Variants in AGBL1 observed in about 807,000 individuals in gnomAD.
AGBL1 encodes the protein AGBL carboxypeptidase 1.
In AGBL1, 130 loss-of-function variants were observed where a neutral mutation model predicts 118.9. The ratio of observed to expected loss-of-function variants is 1.09; its 90% CI spans 0.95 to 1.26. The LOEUF is 1.26. AGBL1 is among the 50% of genes most tolerant of loss of function. The pLI is 0.00. For synonymous variants in AGBL1, 555 were observed against 478.9 expected (o/e 1.16, Z -2.08); for missense variants, 1,584 against 1,298.1 (o/e 1.22, Z -3.38).
At chr15:86,703,708 A>G (rs2086398719) in intron 22 of AGBL1, among the ~76,000 whole-genome samples, 1 of 152,050 alleles carries the variant, frequency 6.6e-6, no homozygotes, top group Non-Finnish European at 1.5e-5. Flanking sequence ...TGATGTTTTC[A>G]TAAAGGGGAG....
In AGBL1 at chr15:86,220,953, A is replaced by C. The variant is rs914439659; in HGVS notation, c.489-3961A>C. On this transcript the variant is annotated intron_variant, in intron 5 of 22. Transcript: ENST00000614907. ...CATGGCTCATGCCTGTAATCCTAGC[A>C]CTTTGGGAGGCTGAGACAGGCAGCT... is the stretch of plus-strand genomic sequence containing the variant. Among the ~76,000 whole-genome samples the C allele has an allele frequency of 3.9e-5, 6 of 152,270 alleles. No homozygotes were observed. The South Asian group carries it at 6.2e-4, about 16-fold the overall frequency.
chr15:86,132,778 G>T (rs946427699), intron 1 of AGBL1, among the ~76,000 whole-genome samples: 1 of 152,116 alleles, frequency 6.6e-6, no homozygotes, highest in Non-Finnish European at 1.5e-5. Flanking sequence ...AATTGTTTCT[G>T]CCCAGAGCAT....
At chr15:86,494,244 G>A (rs1053926565) in intron 18 of AGBL1, among the ~76,000 whole-genome samples, 4 of 152,058 alleles carry the variant, frequency 2.6e-5, no homozygotes, top group Non-Finnish European at 5.9e-5. Flanking sequence ...GTGGGGTCAT[G>A]TTTGTAACAG....
chr15:86,454,476 C>T (rs2082236166), intron 18 of AGBL1, among the ~76,000 whole-genome samples: 1 of 152,086 alleles, frequency 6.6e-6, no homozygotes, highest in South Asian at 2.1e-4. Context: ...CTCATAATCA[C>T]CCCAAACTGA....
chr15:86,104,812 G>T (rs1896940726), intron 1 of AGBL1, among the ~76,000 whole-genome samples: 4 of 152,178 alleles, frequency 2.6e-5, no homozygotes, highest in Admixed American at 2.0e-4. Context: ...GTGGGACCCA[G>T]TGCGAGCTCC....
intron 21 of AGBL1, among the ~76,000 whole-genome samples, chr15:86,582,743 C>T (rs1202466363): frequency 6.6e-6 from 1 of 151,942 alleles, no homozygotes; most frequent in East Asian, 1.9e-4. Flanking sequence ...CTATCATTCT[C>T]AGCAAACTAT....
chr15:86,971,051 C>T (rs117413706), intron 23 of AGBL1, among the ~76,000 whole-genome samples: 4,050 of 151,992 alleles, frequency 0.027, 92 homozygotes, highest in Non-Finnish European at 0.039. Context: ...TTTGTGCATT[C>T]GTGAATTTTG....
At chr15:86,820,124 C>A (rs1311132284) in intron 22 of AGBL1, among the ~76,000 whole-genome samples, 1 of 152,120 alleles carries the variant, frequency 6.6e-6, no homozygotes, top group African/African-American at 2.4e-5. Flanking sequence ...TTCCTTACAC[C>A]TTATACAAAA....
chr15:86,803,825 C>T (rs529766803), intron 22 of AGBL1, among the ~76,000 whole-genome samples: 1 of 152,176 alleles, frequency 6.6e-6, no homozygotes, highest in South Asian at 2.1e-4. Flanking sequence ...CAACTTGGGG[C>T]AGGGGTGGAG....
At position 86,196,879 on chromosome 15, in the gene AGBL1, G is replaced by GCGCGCGCGCACACACACACA. The variant is rs756313941; in HGVS notation, c.489-28034_489-28033insGCGCGCGCACACACACACAC. ...CGAATGTGCACATGTGCGCGCGCGC[G>GCGCGCGCGCACACACACACA]CACACACACACACACACACACACAC... is the stretch of plus-strand genomic sequence containing the variant. On this transcript the variant is annotated intron_variant, in intron 5 of 22. Transcript: ENST00000614907. 8.5e-5 allele frequency among the ~76,000 whole-genome samples: 10 copies of GCGCGCGCGCACACACACACA among 117,012 alleles called. 1 individual carries two copies. Among genetic ancestry groups the GCGCGCGCGCACACACACACA allele is most frequent in the African/African-American group, 3.6e-4 (10 of 27,660 alleles). 76.8% of individuals were successfully genotyped at this position (117,012 alleles called of 152,430 possible).
intron 21 of AGBL1, among the ~76,000 whole-genome samples, chr15:86,567,150 A>G (rs934535462): frequency 6.6e-6 from 1 of 152,202 alleles, no homozygotes; most frequent in African/African-American, 2.4e-5. Context: ...ACTCTTAACC[A>G]TAATCATTTT....
chr15:86,113,994 G>A (rs1215947430), intron 1 of AGBL1, among the ~76,000 whole-genome samples: 1 of 152,154 alleles, frequency 6.6e-6, no homozygotes, highest in East Asian at 1.9e-4. Flanking sequence ...ACAATTAAGA[G>A]CATTCTACAC....
chr15:86,249,018 A>T (rs531690876), intron 7 of AGBL1, among the ~76,000 whole-genome samples: 1 of 152,188 alleles, frequency 6.6e-6, no homozygotes, highest in East Asian at 1.9e-4. Flanking sequence ...ACTTATCAGC[A>T]CCCCACTGGA....
intron 21 of AGBL1, among the ~76,000 whole-genome samples, chr15:86,649,905 A>G (rs2085342341): frequency 6.6e-6 from 1 of 152,154 alleles, no homozygotes; most frequent in African/African-American, 2.4e-5. Flanking sequence ...GTTCATGGTT[A>G]TAACACCCAT....
At chr15:86,877,995 T>C (rs1250980992) in intron 22 of AGBL1, among the ~76,000 whole-genome samples, 4 of 152,256 alleles carry the variant, frequency 2.6e-5, no homozygotes, top group Non-Finnish European at 5.9e-5. Flanking sequence ...ATGTTGATGT[T>C]GAGGAAAAAC....
intron 22 of AGBL1, among the ~76,000 whole-genome samples, chr15:86,739,947 T>G (rs1555445185): frequency 6.6e-6 from 1 of 152,222 alleles, no homozygotes; most frequent in Non-Finnish European, 1.5e-5. Flanking sequence ...TGCAGCTGGC[T>G]AGTTCGATAA....
intron 5 of AGBL1, among the ~76,000 whole-genome samples, chr15:86,166,456 C>G (rs2077343208): frequency 6.6e-6 from 1 of 152,168 alleles, no homozygotes; most frequent in African/African-American, 2.4e-5. Context: ...GCTTTGGGCT[C>G]TGGGCCTCAG....
chr15:86,248,811 A>T (rs2050117263), intron 7 of AGBL1, among the ~76,000 whole-genome samples: 1 of 152,170 alleles, frequency 6.6e-6, no homozygotes, highest in Admixed American at 6.5e-5. Flanking sequence ...AAATCAATGA[A>T]GTAAGGGCAT....
chr15:86,657,299 C>T (rs765236318), intron 21 of AGBL1, among the ~76,000 whole-genome samples: 1 of 152,186 alleles, frequency 6.6e-6, no homozygotes, highest in African/African-American at 2.4e-5. Context: ...CCGGTAAGAG[C>T]TCGTTTCCTC....
Sources: allele counts gnomAD v4.1 joint callset (sites outside exome capture counted in the v4.1 genomes callset), GRCh38; gene constraint gnomAD v4.1.1; transcripts MANE v1.5; gene names NCBI Gene and HGNC (gene_info 2026-07-23, HGNC 2026-07-21).